The following CFAP74 variants were observed in gnomAD, a reference collection of about 807,000 sequenced individuals.
CFAP74 encodes cilia and flagella associated protein 74.
Under a neutral mutation model 188.9 loss-of-function variants are expected in CFAP74, and 124 were observed. The observed-to-expected ratio is 0.66, with a 90% CI of 0.57 to 0.76. CFAP74 has a LOEUF of 0.76. Among genes scored for constraint, CFAP74 ranks in the 30% least tolerant of loss-of-function variants. CFAP74 has a pLI of 0.00. For synonymous variants in CFAP74, 956 were observed against 916.7 expected (o/e 1.04, Z -0.77); for missense variants, 2,198 against 2,165.2 (o/e 1.02, Z -0.30).
chr1:1,958,128 A>G (rs190257086), intron 16 of CFAP74, among the ~76,000 whole-genome samples: 8 of 152,348 alleles, frequency 5.3e-5, no homozygotes, highest in Admixed American at 2.6e-4. Context: ...TGAAGGAGGA[A>G]GCACGCGACA....
intron 1 of CFAP74, among the ~76,000 whole-genome samples, chr1:2,000,411 G>A (rs1013078356): frequency 6.6e-6 from 1 of 152,156 alleles, no homozygotes; most frequent in Non-Finnish European, 1.5e-5. Flanking sequence ...CCTGCCTATG[G>A]CACCCTCTGG....
chr1:1,922,545 T>C, intron 38 of CFAP74, 44 bp downstream of exon 38: 1 of 1,600,878 alleles, frequency 6.2e-7, no homozygotes, highest in Non-Finnish European at 8.5e-7. Context: ...ACCCAGCCTT[T>C]GGCGTTCCCA....
chr1:1,971,353 G>GGT (rs1553230235), intron 9 of CFAP74, among the ~76,000 whole-genome samples: 2 of 146,938 alleles, frequency 1.4e-5, no homozygotes, highest in African/African-American at 2.6e-5. Context: ...GCACACACAT[G>GGT]CACACCTGCA....
Position 1,938,933 on chromosome 1 carries a change from A to T in CFAP74, c.2933T>A (p.Leu978Gln). The T allele has an allele frequency of 6.5e-7, 1 of 1,536,158 alleles. No individual in the cohort carries two copies. The highest frequency in any genetic ancestry group is 8.7e-7 in the Non-Finnish European group (1 of 1,146,896). The stretch of plus-strand genomic sequence containing the variant: ...GGGCTGGAAGATCACACAGAACTGC[A>T]GCGTTTCCAGGGGCAGGATCGTCCC... Reference protein sequence around the residue: ...GFGTILPLETLQFCVIFQPTK... With the variant: ...GFGTILPLETQQFCVIFQPTK... Residue 978 changes from leucine to glutamine, a missense_variant, in exon 25 of 39, where the codon CTG becomes CAG. Physicochemically the swap from Leu to Gln is moderately radical, Grantham distance 113 (BLOSUM62 -2). Coordinates refer to ENST00000682832, the MANE Select transcript of CFAP74 (RefSeq NM_001304360.2).
chr1:1,987,156 G>A (rs4466593), intron 4 of CFAP74, 121 bp from the exon 5 acceptor site: 234,713 of 727,782 alleles, frequency 0.32, 38,487 homozygotes, highest in East Asian at 0.34. Flanking sequence ...CCCCTCACCC[G>A]GGCCAGGGGT....
chr1:1,982,153 G>T (rs1162087728), intron 6 of CFAP74, among the ~76,000 whole-genome samples: 10 of 146,212 alleles, frequency 6.8e-5, no homozygotes, highest in Admixed American at 2.7e-4. Context: ...ACAGACACGG[G>T]GACACACAGG....
intron 6 of CFAP74, chr1:1,985,148 G>T (rs3795283): frequency 0.31 from 142,909 of 465,784 alleles, 22,611 homozygotes; most frequent in East Asian, 0.33. Flanking sequence ...CGAGGAAAGA[G>T]GAAAAAGAAC....
In CFAP74 at chr1:1,971,973, G is replaced by T; in HGVS notation, c.888+7C>A. On this transcript the variant is annotated splice_region_variant and intron_variant, in intron 9 of 38. Transcript: ENST00000682832. ...GGGAGAGGCTGGGTGGGGCTGCGGG[G>T]GCCTACCCGGTTCGCGGAGATGCTG... The T allele has an allele frequency of 6.2e-7, 1 of 1,604,878 alleles. No homozygotes were observed. Among genetic ancestry groups the T allele is most frequent in the Non-Finnish European group, 8.5e-7 (1 of 1,177,502 alleles).
intron 1 of CFAP74, among the ~76,000 whole-genome samples, chr1:1,994,333 A>C (rs1262402501): frequency 6.6e-6 from 1 of 152,198 alleles, no homozygotes; most frequent in East Asian, 1.9e-4. Flanking sequence ...TAAAACTGTA[A>C]AATTGTAGAG....
chr1:1,991,856 A>AT (rs1312882772), intron 1 of CFAP74, among the ~76,000 whole-genome samples: 1 of 151,708 alleles, frequency 6.6e-6, no homozygotes, highest in Non-Finnish European at 1.5e-5. Context: ...TGGCTAGCAC[A>AT]GTGAAACCCC....
intron 9 of CFAP74, 144 bp from the exon 10 acceptor site, chr1:1,970,960 C>T (rs1423658305): frequency 1.0e-6 from 1 of 975,634 alleles, no homozygotes; most frequent in Admixed American, 2.2e-5. Context: ...CACATGCACA[C>T]ATCACACATG....
chr1:2,000,143 G>A (rs1039604845), intron 1 of CFAP74, among the ~76,000 whole-genome samples: 3 of 152,126 alleles, frequency 2.0e-5, no homozygotes, highest in East Asian at 1.9e-4. Context: ...CAGCCTGGGC[G>A]ACAGAGCGAG....
chr1:2,002,619 G>A (rs908657677), intron 1 of CFAP74, among the ~76,000 whole-genome samples: 4 of 150,656 alleles, frequency 2.7e-5, no homozygotes, highest in African/African-American at 7.3e-5. Context: ...GCAGTGAGCC[G>A]AGATCGCCCT....
chr1:1,981,897 A>T (rs1570971177), intron 6 of CFAP74, among the ~76,000 whole-genome samples: 1 of 76,000 alleles, frequency 1.3e-5, no homozygotes, highest in African/African-American at 5.4e-5. Context: ...ACAGCCGCGG[A>T]CAGACACGGG....
chr1:1,946,021 C>T (rs542547297), intron 20 of CFAP74, among the ~76,000 whole-genome samples: 17 of 135,452 alleles, frequency 1.3e-4, no homozygotes, highest in Admixed American at 2.9e-4. Flanking sequence ...TGCGTGTGTG[C>T]GTGTGTACGT....
At chr1:1,971,227 A>G (rs955977857) in intron 9 of CFAP74, among the ~76,000 whole-genome samples, 1 of 150,884 alleles carries the variant, frequency 6.6e-6, no homozygotes, top group African/African-American at 2.5e-5. Flanking sequence ...ATACGCGTGC[A>G]CGCCTGCACA....
chr1:1,992,038 T>TC (rs1657615669), intron 1 of CFAP74, among the ~76,000 whole-genome samples: 1 of 121,392 alleles, frequency 8.2e-6, no homozygotes, highest in Admixed American at 8.4e-5. Flanking sequence ...AGACTCCGTC[T>TC]CAAAAAAAAA....
chr1:1,988,368 A>T, intron 4 of CFAP74, 144 bp downstream of exon 4: 1 of 987,666 alleles, frequency 1.0e-6, no homozygotes, highest in South Asian at 1.5e-5. Context: ...GGCTTGCAGA[A>T]CTGCTCCTCC....
At chr1:1,924,909 T>C (rs949056096) in intron 33 of CFAP74, among the ~76,000 whole-genome samples, 9 of 152,198 alleles carry the variant, frequency 5.9e-5, no homozygotes, top group Non-Finnish European at 1.3e-4. Context: ...GGGCTCTGCC[T>C]CCAGGACCCG....
Sources: allele counts gnomAD v4.1 joint callset (sites outside exome capture counted in the v4.1 genomes callset), GRCh38; gene constraint gnomAD v4.1.1; transcripts MANE v1.5; gene names NCBI Gene and HGNC (gene_info 2026-07-23, HGNC 2026-07-21).